The following GMDS variants were observed in gnomAD, a reference collection of about 807,000 sequenced individuals.
The protein encoded by GMDS is GDP-mannose 4,6 dehydratase.
Under a neutral mutation model 49.9 loss-of-function variants are expected in GMDS, and 20 were observed. That is an observed-to-expected ratio of 0.40 (90% CI 0.28 to 0.58). GMDS has a LOEUF of 0.58. Ranked by LOEUF, GMDS falls within the 20% of genes least tolerant of loss-of-function variation. The probability of loss-of-function intolerance (pLI) is 0.42; values close to 1 mark genes in which losing one functional copy is unlikely to be tolerated. For synonymous variants in GMDS, 177 were observed against 178.6 expected (o/e 0.99, Z 0.07); for missense variants, 362 against 481.4 (o/e 0.75, Z 2.32).
intron 7 of GMDS, among the ~76,000 whole-genome samples, chr6:1,920,681 A>G (rs555374850): frequency 1.3e-5 from 2 of 152,316 alleles, no homozygotes; most frequent in Admixed American, 1.3e-4. Flanking sequence ...TTAAACAGTC[A>G]GTTTAGTTCA....
chr6:1,852,730 T>C (rs1757739919), intron 7 of GMDS, among the ~76,000 whole-genome samples: 5 of 151,542 alleles, frequency 3.3e-5, no homozygotes, highest in African/African-American at 1.2e-4. Context: ...TTTCCCGAGA[T>C]GGAGTTTCGC....
chr6:1,952,338 A>G (rs1039738234), intron 6 of GMDS, among the ~76,000 whole-genome samples: 1 of 152,228 alleles, frequency 6.6e-6, no homozygotes, highest in Non-Finnish European at 1.5e-5. Context: ...CCACATACAG[A>G]TAAAAAATTT....
rs188473916 is a variant in GMDS, at chr6:2,164,851, G to C, written c.103-40120C>G. Among the ~76,000 whole-genome samples, 461 of 152,340 alleles carry C rather than the reference G, an allele frequency of 3.0e-3. 3 individuals carry two copies. The highest frequency in any genetic ancestry group is 0.011 in the African/African-American group (448 of 41,582). ...GTTTGAGCTGGAAAATAAAATGCTT[G>C]AGCTCATCCTTTTCTTTCCCCACTT... On this transcript the variant is annotated intron_variant, in intron 1 of 10. Coordinates refer to ENST00000380815, the MANE Select transcript of GMDS (RefSeq NM_001500.4).
intron 4 of GMDS, among the ~76,000 whole-genome samples, chr6:1,975,784 T>C (rs1437156493): frequency 6.6e-6 from 1 of 152,210 alleles, no homozygotes; most frequent in African/African-American, 2.4e-5. Context: ...ACTGTACCCA[T>C]AGTCTCAGAG....
intron 8 of GMDS, among the ~76,000 whole-genome samples, chr6:1,741,138 G>T (rs1332288284): frequency 6.6e-6 from 1 of 152,108 alleles, no homozygotes; most frequent in Non-Finnish European, 1.5e-5. Context: ...TCCATTCAGG[G>T]TAGTTAGTGT....
chr6:1,961,495 T>C (rs1051470451), intron 4 of GMDS, among the ~76,000 whole-genome samples: 3 of 152,220 alleles, frequency 2.0e-5, no homozygotes, highest in Non-Finnish European at 2.9e-5. Context: ...TAATCTTTTT[T>C]TAATTTGAGA....
intron 7 of GMDS, 71 bp from the exon 8 acceptor site, chr6:1,742,657 T>C (rs1458074357): frequency 6.3e-6 from 5 of 799,402 alleles, no homozygotes; most frequent in African/African-American, 1.7e-5. Flanking sequence ...CCAGTGCACA[T>C]AATCAGATAT....
chr6:1,807,929 G>C (rs569761417), intron 7 of GMDS, among the ~76,000 whole-genome samples: 245 of 152,242 alleles, frequency 1.6e-3, no homozygotes, highest in African/African-American at 5.6e-3. Context: ...CATCAAAAGA[G>C]AGCATTAAGG....
intron 1 of GMDS, among the ~76,000 whole-genome samples, chr6:2,132,972 A>T (rs1194378206): frequency 1.3e-5 from 2 of 152,226 alleles, no homozygotes; most frequent in African/African-American, 4.8e-5. Flanking sequence ...TACACATATT[A>T]AAAAATTAAA....
intron 4 of GMDS, among the ~76,000 whole-genome samples, chr6:2,008,842 C>A (rs1432958429): frequency 6.6e-6 from 1 of 151,886 alleles, no homozygotes; most frequent in Non-Finnish European, 1.5e-5. Flanking sequence ...TGTTACATGC[C>A]CTAGCAGGTA....
intron 8 of GMDS, among the ~76,000 whole-genome samples, chr6:1,737,612 C>T (rs1281563996): frequency 7.0e-6 from 1 of 142,620 alleles, no homozygotes; most frequent in Non-Finnish European, 1.5e-5. Flanking sequence ...ACACACACCA[C>T]AAACACACAC....
chr6:2,207,502 G>A (rs1412072934), intron 1 of GMDS, among the ~76,000 whole-genome samples: 1 of 151,880 alleles, frequency 6.6e-6, no homozygotes, highest in Admixed American at 6.6e-5. Flanking sequence ...AGACTAACTG[G>A]TTGTCCATGC....
chr6:2,106,329 C>T (rs183871127), intron 4 of GMDS, among the ~76,000 whole-genome samples: 31 of 152,152 alleles, frequency 2.0e-4, no homozygotes, highest in African/African-American at 2.9e-4. Flanking sequence ...TTTATTTTAC[C>T]GTACTAACTT....
At chr6:1,767,178 C>T (rs1196203235) in intron 7 of GMDS, among the ~76,000 whole-genome samples, 3 of 151,940 alleles carry the variant, frequency 2.0e-5, no homozygotes, top group East Asian at 1.9e-4. Flanking sequence ...ATTTTAAAAC[C>T]GGAAACATAT....
chr6:1,870,830 C>T (rs1312005384), intron 7 of GMDS, among the ~76,000 whole-genome samples: 1 of 152,020 alleles, frequency 6.6e-6, no homozygotes, highest in African/African-American at 2.4e-5. Flanking sequence ...AGAAATGATA[C>T]TTTTTTAAAA....
rs140788769 is a variant in GMDS, at chr6:2,097,220, A to G, written c.345+18551T>C. 1.8e-3 allele frequency among the ~76,000 whole-genome samples: 275 copies of G among 152,322 alleles called. 1 individual carries two copies. In the East Asian group the frequency reaches 0.026, roughly 15 times the overall value. ...TGGAATCTAAAAACTCTGTAGTTTT[A>G]TATTTTATTATTGTAGATAATTGTA... On this transcript the variant is annotated intron_variant, in intron 4 of 10. Coordinates refer to ENST00000380815, the MANE Select transcript of GMDS (RefSeq NM_001500.4).
chr6:1,901,250 C>G (rs1760490787), intron 7 of GMDS, among the ~76,000 whole-genome samples: 1 of 152,222 alleles, frequency 6.6e-6, no homozygotes, highest in Non-Finnish European at 1.5e-5. Flanking sequence ...CGATACGTTT[C>G]TCTCCACGAC....
intron 9 of GMDS, among the ~76,000 whole-genome samples, chr6:1,725,183 TTC>T (rs1397840659): frequency 3.3e-5 from 5 of 152,220 alleles, no homozygotes; most frequent in African/African-American, 1.2e-4. Flanking sequence ...ATATGAACGT[TTC>T]TCTCTAGAGA....
intron 9 of GMDS, among the ~76,000 whole-genome samples, chr6:1,691,805 A>G (rs1303922552): frequency 6.6e-6 from 1 of 152,184 alleles, no homozygotes; most frequent in Non-Finnish European, 1.5e-5. Flanking sequence ...ATTTTTGTTT[A>G]TCACTGGTTT....
Sources: gnomAD v4.1 joint callset for allele counts (sites outside exome capture counted in the v4.1 genomes callset) on GRCh38, gnomAD v4.1.1 for gene constraint, MANE v1.5 for transcripts, NCBI Gene and HGNC (gene_info 2026-07-23, HGNC 2026-07-21) for gene names.